ARHGEF9: variants seen among roughly 807,000 people sequenced by gnomAD.
ARHGEF9 encodes the protein rho guanine nucleotide exchange factor 9.
ARHGEF9 carries 2 observed loss-of-function variants against 41.3 expected under a neutral mutation model. The ratio of observed to expected loss-of-function variants is 0.05; its 90% confidence interval spans 0.02 to 0.15. ARHGEF9 has a LOEUF of 0.15. Among genes scored for constraint, ARHGEF9 ranks in the 10% least tolerant of loss-of-function variants. ARHGEF9 has a pLI of 1.00. For synonymous variants in ARHGEF9, 160 were observed against 154.4 expected (o/e 1.04, Z -0.27); for missense variants, 225 against 424.7 (o/e 0.53, Z 4.13).
At position 63,777,743 on chromosome X, in the gene ARHGEF9, C is replaced by T. The variant is rs147787186; in HGVS notation, c.30+7373G>A. On this transcript the variant is annotated intron_variant, in intron 1 of 9. Coordinates refer to ENST00000671741, the MANE Select transcript of ARHGEF9 (RefSeq NM_001353921.2). ...AAGGAGTTACAGGTCCCATGCAAGT[C>T]CAGAATCCAGTGGAGCAGCCAAATC... is the stretch of plus-strand genomic sequence containing the variant. 6.2e-4 allele frequency among the ~76,000 whole-genome samples: 70 copies of T among 112,346 alleles called. 1 individual carries two copies. The East Asian group carries it at 0.015, about 24-fold the overall frequency.
At chrX:63,680,548 T>C (rs1404904468) in intron 4 of ARHGEF9, among the ~76,000 whole-genome samples, 1 of 111,952 alleles carries the variant, frequency 8.9e-6, no homozygotes, top group Non-Finnish European at 1.9e-5. Context: ...GAGCAAAGAA[T>C]AGGGATTGGT....
chrX:63,776,679 G>C (rs2056298212), intron 1 of ARHGEF9, among the ~76,000 whole-genome samples: 1 of 111,519 alleles, frequency 9.0e-6, no homozygotes, highest in Non-Finnish European at 1.9e-5. Flanking sequence ...ACTGTGCAGA[G>C]AGTAAAGCCT....
At position 63,785,202 on chromosome X, in the gene ARHGEF9, G is replaced by T; in HGVS notation, c.-57C>A. On this transcript the variant is annotated 5_prime_UTR_variant, in exon 1 of 10. Coordinates refer to ENST00000671741, the MANE Select transcript of ARHGEF9 (RefSeq NM_001353921.2). The stretch of plus-strand genomic sequence containing the variant: ...CCGTAGCTGGCGCGAGTTGTCGCGG[G>T]CTGACTAGAAGGGCTGGGCTGAAGC... 1 of 1,141,560 alleles carries T rather than the reference G, an allele frequency of 8.8e-7. No individual in the cohort carries two copies. The highest frequency in any genetic ancestry group is 1.2e-6 in the Non-Finnish European group (1 of 853,069). The allele number at this position is 1,141,560 out of a possible 1,213,427, so 94.1% of individuals were successfully genotyped here. A position where few individuals can be genotyped will look rare whatever the true frequency, so the allele number is the denominator to read the frequency against.
intron 1 of ARHGEF9, among the ~76,000 whole-genome samples, chrX:63,756,457 G>C (rs1407630672): frequency 8.9e-6 from 1 of 112,291 alleles, no homozygotes; most frequent in African/African-American, 3.2e-5. Flanking sequence ...TAAACAAAAT[G>C]TGGTATATAC....
At chrX:63,708,088 C>A (rs1273085132) in intron 2 of ARHGEF9, among the ~76,000 whole-genome samples, 1 of 110,157 alleles carries the variant, frequency 9.1e-6, no homozygotes, top group African/African-American at 3.3e-5. Context: ...TTAATGCAAT[C>A]AGTAAGCAAT....
intron 6 of ARHGEF9, among the ~76,000 whole-genome samples, chrX:63,671,682 T>C (rs1422827740): frequency 5.4e-5 from 6 of 111,909 alleles, no homozygotes; most frequent in Non-Finnish European, 1.1e-4. Flanking sequence ...CATTGCAAGG[T>C]GTTTGAGAGT....
chrX:63,673,838 AC>A (rs1420975760), intron 6 of ARHGEF9, among the ~76,000 whole-genome samples, 199 bp downstream of exon 6: 1 of 111,909 alleles, frequency 8.9e-6, no homozygotes, highest in Non-Finnish European at 1.9e-5. Context: ...AGGTATCATC[AC>A]AAAAATTTCT....
At chrX:63,659,510 TAC>T (rs782588748) in intron 7 of ARHGEF9, among the ~76,000 whole-genome samples, 2 of 111,911 alleles carry the variant, frequency 1.8e-5, no homozygotes, top group Non-Finnish European at 3.8e-5. Flanking sequence ...GGATATTCTC[TAC>T]AAATGACAGA....
chrX:63,707,427 G>A (rs868944122), intron 2 of ARHGEF9: 30 of 102,334 alleles, frequency 2.9e-4, no homozygotes, highest in Middle Eastern at 5.1e-3. Flanking sequence ...TATTCTAGAT[G>A]ACTTTGACTG....
intron 4 of ARHGEF9, among the ~76,000 whole-genome samples, chrX:63,685,344 G>A (rs1275210307): frequency 2.7e-5 from 3 of 111,251 alleles, no homozygotes; most frequent in African/African-American, 9.8e-5. Flanking sequence ...ACAGTTAAAT[G>A]TTCATGGATT....
chrX:63,748,909 C>A (rs1352549791), intron 1 of ARHGEF9, among the ~76,000 whole-genome samples: 1 of 111,935 alleles, frequency 8.9e-6, no homozygotes, highest in Non-Finnish European at 1.9e-5. Context: ...TTCTAGGCAG[C>A]AGATTTTTAA....
intron 6 of ARHGEF9, among the ~76,000 whole-genome samples, chrX:63,668,875 C>T (rs1335766562): frequency 3.6e-5 from 4 of 111,789 alleles, no homozygotes; most frequent in African/African-American, 1.3e-4. Context: ...TGCTCTTATC[C>T]ACCAAACCAC....
At chrX:63,686,949 C>G (rs1556376231) in intron 4 of ARHGEF9, among the ~76,000 whole-genome samples, 1 of 109,777 alleles carries the variant, frequency 9.1e-6, no homozygotes, top group Non-Finnish European at 1.9e-5. Context: ...GCTAGCTTCC[C>G]CACCATCTTA....
At chrX:63,673,428 G>A (rs1274329998) in intron 6 of ARHGEF9, among the ~76,000 whole-genome samples, 1 of 111,171 alleles carries the variant, frequency 9.0e-6, no homozygotes, top group Non-Finnish European at 1.9e-5. Context: ...TACTTTTGGT[G>A]GGCATCTAGG....
At chrX:63,764,557 A>G (rs1217104272) in intron 1 of ARHGEF9, among the ~76,000 whole-genome samples, 1 of 112,380 alleles carries the variant, frequency 8.9e-6, no homozygotes, top group African/African-American at 3.2e-5. Flanking sequence ...TCACAAAGAC[A>G]TGGAATCAAC....
At chrX:63,769,152 C>T (rs2056161089) in intron 1 of ARHGEF9, among the ~76,000 whole-genome samples, 1 of 111,709 alleles carries the variant, frequency 9.0e-6, no homozygotes, top group South Asian at 3.7e-4. Context: ...GCAATATGAA[C>T]AATAAAGTCC....
At chrX:63,674,714 T>C (rs1474571980) in intron 5 of ARHGEF9, among the ~76,000 whole-genome samples, 10 of 111,738 alleles carry the variant, frequency 8.9e-5, no homozygotes, top group African/African-American at 2.9e-4. Flanking sequence ...AAAAGGAATG[T>C]GTTTATTAAC....
At chrX:63,647,357 G>A (rs1177582528) in intron 8 of ARHGEF9, among the ~76,000 whole-genome samples, 6 of 111,664 alleles carry the variant, frequency 5.4e-5, no homozygotes, top group Non-Finnish European at 1.1e-4. Flanking sequence ...GTATGATATC[G>A]GCTGTGGGTT....
chrX:63,731,514 C>T (rs2054280013), intron 1 of ARHGEF9, among the ~76,000 whole-genome samples: 1 of 106,187 alleles, frequency 9.4e-6, no homozygotes, highest in Non-Finnish European at 1.9e-5. Flanking sequence ...GCCAGTAACT[C>T]ACCAAATGAT....
Sources: gnomAD v4.1 joint callset for allele counts (sites outside exome capture counted in the v4.1 genomes callset) on GRCh38, gnomAD v4.1.1 for gene constraint, MANE v1.5 for transcripts, NCBI Gene and HGNC (gene_info 2026-07-23, HGNC 2026-07-21) for gene names.